Variants in CDH8 observed in about 807,000 individuals in gnomAD.
The protein encoded by CDH8 is cadherin-8.
CDH8 carries 17 observed loss-of-function variants against 68.1 expected under a neutral mutation model. That is an observed-to-expected ratio of 0.25 (90% CI 0.17 to 0.37). The LOEUF (loss-of-function observed/expected upper bound fraction) is 0.37. Among genes scored for constraint, CDH8 ranks in the 10% least tolerant of loss-of-function variants. The pLI, the probability that CDH8 is intolerant of heterozygous loss-of-function variation, is 1.00. For synonymous variants in CDH8, 372 were observed against 365.1 expected, an observed-to-expected ratio of 1.02 and a Z score of -0.21; for missense variants, 763 against 999.3, an observed-to-expected ratio of 0.76 and a Z score of 3.19.
chr16:61,923,440 T>C (rs1964405878), intron 2 of CDH8, among the ~76,000 whole-genome samples: 1 of 152,036 alleles, frequency 6.6e-6, no homozygotes, highest in Non-Finnish European at 1.5e-5. Context: ...AGTAGCAGCA[T>C]AACGTTTGGG....
intron 10 of CDH8, among the ~76,000 whole-genome samples, chr16:61,694,768 T>TTGGTGG (rs927663987): frequency 4.0e-5 from 6 of 151,650 alleles, no homozygotes; most frequent in Non-Finnish European, 7.4e-5. Context: ...GTTGTTGCTG[T>TTGGTGG]TGGTGGTGGT....
chr16:61,969,511 C>A (rs1427199572), intron 2 of CDH8, among the ~76,000 whole-genome samples: 6 of 152,196 alleles, frequency 3.9e-5, no homozygotes, highest in African/African-American at 1.4e-4. Flanking sequence ...CCTCTCCCAG[C>A]TCTAACAGAC....
intron 2 of CDH8, among the ~76,000 whole-genome samples, chr16:61,945,118 A>C (rs1964781242): frequency 6.6e-6 from 1 of 152,156 alleles, no homozygotes; most frequent in South Asian, 2.1e-4. Context: ...GACACTCCTG[A>C]GTTTGAATTG....
At chr16:61,659,433 C>A (rs1011327547) in intron 10 of CDH8, among the ~76,000 whole-genome samples, 4 of 152,122 alleles carry the variant, frequency 2.6e-5, no homozygotes, top group Non-Finnish European at 4.4e-5. Context: ...GGACGATTTT[C>A]TGGGGGAAAG....
chr16:61,783,263 C>T (rs1961134815), intron 8 of CDH8, among the ~76,000 whole-genome samples: 1 of 115,994 alleles, frequency 8.6e-6, no homozygotes, highest in Non-Finnish European at 1.7e-5. Context: ...GAGCTGAAAA[C>T]CAAGGCTCGA....
chr16:61,837,048 A>G (rs567241672), intron 4 of CDH8, among the ~76,000 whole-genome samples: 3 of 151,732 alleles, frequency 2.0e-5, no homozygotes, highest in Non-Finnish European at 4.4e-5. Context: ...AAATCCTCCT[A>G]CATTCTTCTT....
chr16:61,990,052 C>T (rs547704028), intron 2 of CDH8, among the ~76,000 whole-genome samples: 55 of 152,264 alleles, frequency 3.6e-4, no homozygotes, highest in Non-Finnish European at 1.8e-4. Flanking sequence ...AAGCAATGTA[C>T]ACAATCTCTT....
At chr16:61,914,108 C>T (rs1443630763) in intron 2 of CDH8, among the ~76,000 whole-genome samples, 8 of 151,976 alleles carry the variant, frequency 5.3e-5, no homozygotes, top group Admixed American at 2.0e-4. Context: ...GAGGAAAGAC[C>T]GTGTCAGGAC....
intron 1 of CDH8, 133 bp from the exon 2 acceptor site, chr16:62,021,735 T>C (rs1385953960): frequency 1.4e-5 from 6 of 422,692 alleles, no homozygotes; most frequent in African/African-American, 2.0e-5. Context: ...AAAGTGGATC[T>C]GAAGAATTAG....
intron 2 of CDH8, among the ~76,000 whole-genome samples, chr16:61,922,058 A>G (rs1483142453): frequency 6.6e-6 from 1 of 152,124 alleles, no homozygotes; most frequent in African/African-American, 2.4e-5. Flanking sequence ...CATCGATTCT[A>G]AGCCACCTCT....
At chr16:61,708,249 C>T (rs1052634467) in intron 10 of CDH8, among the ~76,000 whole-genome samples, 1 of 152,072 alleles carries the variant, frequency 6.6e-6, no homozygotes, top group African/African-American at 2.4e-5. Context: ...AGATCTGATG[C>T]AATTCAAAAC....
intron 2 of CDH8, among the ~76,000 whole-genome samples, chr16:61,981,925 T>A (rs1965539085): frequency 6.6e-6 from 1 of 152,168 alleles, no homozygotes; most frequent in Admixed American, 6.5e-5. Context: ...CTCTTCTTTC[T>A]CCCCTTCCTC....
At chr16:61,838,790 A>G (rs1462306387) in intron 4 of CDH8, among the ~76,000 whole-genome samples, 2 of 152,188 alleles carry the variant, frequency 1.3e-5, no homozygotes, top group Non-Finnish European at 2.9e-5. Context: ...GGCTAGAACA[A>G]AAGCATAAAT....
intron 2 of CDH8, among the ~76,000 whole-genome samples, chr16:61,955,759 C>T (rs1420511216): frequency 6.6e-6 from 1 of 152,138 alleles, no homozygotes; most frequent in Non-Finnish European, 1.5e-5. Flanking sequence ...AGCTCAATTA[C>T]AGTGCCTAGT....
chr16:61,850,886 ACACAG>A (rs1432619093), intron 4 of CDH8, among the ~76,000 whole-genome samples: 1 of 152,068 alleles, frequency 6.6e-6, no homozygotes, highest in East Asian at 1.9e-4. Context: ...TATTTATCAC[ACACAG>A]CATTTCAATC....
intron 2 of CDH8, among the ~76,000 whole-genome samples, chr16:61,906,121 C>T (rs1390441663): frequency 2.6e-5 from 4 of 152,086 alleles, no homozygotes; most frequent in African/African-American, 9.7e-5. Context: ...AACCAAGATA[C>T]AGGGTATGGA....
chr16:61,843,502 A>T (rs1383099283), intron 4 of CDH8, among the ~76,000 whole-genome samples: 1 of 152,138 alleles, frequency 6.6e-6, no homozygotes, highest in Admixed American at 6.5e-5. Context: ...CAACTAGGAA[A>T]TGTTGGGGAG....
At chr16:61,929,831 AG>A (rs1215673154) in intron 2 of CDH8, among the ~76,000 whole-genome samples, 2 of 152,282 alleles carry the variant, frequency 1.3e-5, no homozygotes, top group East Asian at 3.9e-4. Flanking sequence ...TAGAGGCTGC[AG>A]TGAGCTATGA....
intron 10 of CDH8, among the ~76,000 whole-genome samples, chr16:61,659,646 A>T (rs1963517690): frequency 6.6e-6 from 1 of 152,040 alleles, no homozygotes; most frequent in South Asian, 2.1e-4. Flanking sequence ...GGGAGAGGCA[A>T]GCCAAAAAGA....
Sources: allele counts gnomAD v4.1 joint callset (sites outside exome capture counted in the v4.1 genomes callset), GRCh38; gene constraint gnomAD v4.1.1; transcripts MANE v1.5; gene names NCBI Gene and HGNC (gene_info 2026-07-23, HGNC 2026-07-21).